Variants in PLD1 observed in about 807,000 individuals in gnomAD.
The protein encoded by PLD1 is choline phosphatase 1.
In PLD1, 112 loss-of-function variants were observed where a neutral mutation model predicts 137.1. The observed-to-expected ratio is 0.82, with a 90% confidence interval of 0.70 to 0.96. PLD1 has a LOEUF of 0.96. Ranked by LOEUF, PLD1 falls within the 40% of genes least tolerant of loss-of-function variation. The pLI is 0.00. For synonymous variants in PLD1, 431 were observed against 454.7 expected, an observed-to-expected ratio of 0.95 and a Z score of 0.66; for missense variants, 1,321 against 1,342.0, an observed-to-expected ratio of 0.98 and a Z score of 0.24.
At chr3:171,802,558 G>A (rs2108359974) in intron 1 of PLD1, among the ~76,000 whole-genome samples, 1 of 152,318 alleles carries the variant, frequency 6.6e-6, no homozygotes, top group Non-Finnish European at 1.5e-5. Context: ...AGCTTGATGT[G>A]TTCTAAAAAC....
intron 1 of PLD1, among the ~76,000 whole-genome samples, chr3:171,741,924 A>G (rs937813526): frequency 6.6e-6 from 1 of 152,276 alleles, no homozygotes; most frequent in Admixed American, 6.5e-5. Context: ...TAACATAAAT[A>G]TGAACATTAG....
intron 6 of PLD1, among the ~76,000 whole-genome samples, chr3:171,731,540 G>C (rs1718948087): frequency 6.6e-6 from 1 of 152,164 alleles, no homozygotes; most frequent in Non-Finnish European, 1.5e-5. Flanking sequence ...TCAGCACTTT[G>C]GGAGGCAGAG....
At chr3:171,627,267 C>T (rs1248381479) in intron 23 of PLD1, among the ~76,000 whole-genome samples, 1 of 152,058 alleles carries the variant, frequency 6.6e-6, no homozygotes, top group Non-Finnish European at 1.5e-5. Flanking sequence ...CAAAGAAGGC[C>T]ATTACATAAT....
intron 8 of PLD1, 64 bp from the exon 9 acceptor site, chr3:171,714,109 C>A (rs1435540008): frequency 5.0e-6 from 5 of 993,034 alleles, no homozygotes; most frequent in Non-Finnish European, 4.7e-6. Context: ...AAGAACTAAT[C>A]ATTATGACAA....
intron 1 of PLD1, among the ~76,000 whole-genome samples, chr3:171,804,516 C>T (rs1326496127): frequency 1.3e-5 from 2 of 152,156 alleles, no homozygotes; most frequent in African/African-American, 4.8e-5. Flanking sequence ...ACTGGAGACA[C>T]AAAAATGACA....
chr3:171,739,144 C>T (rs986811604), intron 1 of PLD1, among the ~76,000 whole-genome samples: 1 of 152,166 alleles, frequency 6.6e-6, no homozygotes, highest in African/African-American at 2.4e-5. Flanking sequence ...AAGTTCACCC[C>T]TGGCCTCCTC....
intron 1 of PLD1, among the ~76,000 whole-genome samples, chr3:171,770,563 C>T (rs1477748026): frequency 1.3e-5 from 2 of 151,890 alleles, no homozygotes; most frequent in South Asian, 2.1e-4. Context: ...AGGTCTAGTG[C>T]GACGACACAA....
chr3:171,613,514 T>A (rs1164619146), intron 24 of PLD1, among the ~76,000 whole-genome samples: 1 of 152,236 alleles, frequency 6.6e-6, no homozygotes, highest in African/African-American at 2.4e-5. Context: ...AGTACCTTCA[T>A]AATTAATAGA....
intron 11 of PLD1, among the ~76,000 whole-genome samples, chr3:171,707,084 C>T (rs970335739): frequency 2.0e-5 from 3 of 152,174 alleles, no homozygotes. Context: ...CCGAATACTA[C>T]ATGTTCTCAC....
intron 1 of PLD1, among the ~76,000 whole-genome samples, chr3:171,741,207 A>C (rs1719752146): frequency 6.6e-6 from 1 of 152,204 alleles, no homozygotes; most frequent in Non-Finnish European, 1.5e-5. Flanking sequence ...GTGGAACTTC[A>C]ATGGACCCAA....
At chr3:171,746,663 G>T (rs771789069) in intron 1 of PLD1, among the ~76,000 whole-genome samples, 1 of 152,140 alleles carries the variant, frequency 6.6e-6, no homozygotes, top group East Asian at 1.9e-4. Flanking sequence ...CTAGCTAAAG[G>T]ATTGAAAATA....
At chr3:171,603,631 C>T (rs1731985519) in intron 26 of PLD1, among the ~76,000 whole-genome samples, 1 of 152,116 alleles carries the variant, frequency 6.6e-6, no homozygotes, top group Non-Finnish European at 1.5e-5. Flanking sequence ...AGGAATATTG[C>T]ATATTATATT....
intron 3 of PLD1, among the ~76,000 whole-genome samples, chr3:171,737,128 T>G (rs1280141610): frequency 6.6e-6 from 1 of 152,184 alleles, no homozygotes; most frequent in East Asian, 1.9e-4. Context: ...AACATTTTCA[T>G]GCTAAATAAA....
At chr3:171,794,186 A>G (rs1723337244) in intron 1 of PLD1, among the ~76,000 whole-genome samples, 1 of 151,508 alleles carries the variant, frequency 6.6e-6, no homozygotes, top group Non-Finnish European at 1.5e-5. Context: ...AGATATTTTG[A>G]GAGAGAGAGA....
chr3:171,671,485 C>A (rs1443699789), intron 19 of PLD1, among the ~76,000 whole-genome samples: 1 of 152,156 alleles, frequency 6.6e-6, no homozygotes, highest in East Asian at 1.9e-4. Flanking sequence ...TGTTCCTTCT[C>A]TTCATTTCTA....
intron 23 of PLD1, among the ~76,000 whole-genome samples, chr3:171,636,868 T>A (rs924572929): frequency 6.6e-6 from 1 of 152,160 alleles, no homozygotes; most frequent in Admixed American, 6.5e-5. Context: ...TCTTTCACCA[T>A]TAAGTATGAT....
chr3:171,641,676 G>C (rs1735753532), intron 23 of PLD1, among the ~76,000 whole-genome samples: 1 of 152,050 alleles, frequency 6.6e-6, no homozygotes, highest in African/African-American at 2.4e-5. Flanking sequence ...AGAATTAGCT[G>C]ACACTTCCCT....
intron 25 of PLD1, among the ~76,000 whole-genome samples, chr3:171,608,763 G>A (rs1223007963): frequency 1.3e-5 from 2 of 152,082 alleles, no homozygotes; most frequent in South Asian, 2.1e-4. Context: ...AAAATACACT[G>A]CAGATGTTAA....
chr3:171,770,057 G>C (rs1308297916), intron 1 of PLD1, among the ~76,000 whole-genome samples: 1 of 152,088 alleles, frequency 6.6e-6, no homozygotes, highest in Non-Finnish European at 1.5e-5. Context: ...ATTAATAAAG[G>C]CAGAATTGCT....
Sources: allele counts gnomAD v4.1 joint callset (sites outside exome capture counted in the v4.1 genomes callset), GRCh38; gene constraint gnomAD v4.1.1; transcripts MANE v1.5; gene names NCBI Gene and HGNC (gene_info 2026-07-23, HGNC 2026-07-21).